SGCZ: variants seen among roughly 807,000 people sequenced by gnomAD.
SGCZ encodes sarcoglycan zeta, also known as zeta-sarcoglycan.
A neutral mutation model predicts 41.3 loss-of-function variants in SGCZ; 40 were observed. That is an observed-to-expected ratio of 0.97 (90% CI 0.75 to 1.26). The LOEUF (loss-of-function observed/expected upper bound fraction) is 1.26, where lower values mean the gene tolerates loss of function less well. Ranked by LOEUF, SGCZ falls within the 50% of genes most tolerant of loss-of-function variation. The pLI, the probability that SGCZ is intolerant of heterozygous loss-of-function variation, is 0.00. For synonymous variants in SGCZ, 206 were observed against 137.5 expected (o/e 1.50, Z -3.49); for missense variants, 552 against 369.8 (o/e 1.49, Z -4.04).
intron 1 of SGCZ, among the ~76,000 whole-genome samples, chr8:15,124,575 A>C (rs2116958514): frequency 6.6e-6 from 1 of 152,320 alleles, no homozygotes; most frequent in Non-Finnish European, 1.5e-5. Context: ...AAATACTGGA[A>C]TAGTCTATTT....
chr8:14,391,535 G>A (rs758580526), intron 2 of SGCZ, among the ~76,000 whole-genome samples: 5 of 152,080 alleles, frequency 3.3e-5, no homozygotes, highest in Non-Finnish European at 7.4e-5. Flanking sequence ...ATGTTCAGGG[G>A]CAGAAGTAGG....
At chr8:14,553,023 G>C (rs1803920588) in intron 2 of SGCZ, among the ~76,000 whole-genome samples, 1 of 151,850 alleles carries the variant, frequency 6.6e-6, no homozygotes, top group Admixed American at 6.6e-5. Context: ...ATTAATTTTA[G>C]TTAAAAAATG....
rs546321067 is a variant in SGCZ, at chr8:14,982,770, G to A, written c.39+254815C>T. On this transcript the variant is annotated intron_variant, in intron 1 of 7. Transcript: ENST00000382080. ...TTTAATCTTTATTTTGAAAATTCTA[G>A]ATATAATTCAGGGGTGGGTGACGAT... 3.9e-5 allele frequency among the ~76,000 whole-genome samples: 6 copies of A among 152,172 alleles called. No individual in the cohort carries two copies. In the South Asian group the frequency reaches 1.2e-3, roughly 32 times the overall value.
At chr8:14,560,515 G>C (rs1267266777) in intron 1 of SGCZ, among the ~76,000 whole-genome samples, 1 of 152,058 alleles carries the variant, frequency 6.6e-6, no homozygotes, top group Non-Finnish European at 1.5e-5. Flanking sequence ...GCAAGTAGGA[G>C]ACCTTCCCCT....
intron 2 of SGCZ, among the ~76,000 whole-genome samples, chr8:14,512,861 A>T (rs1400475277): frequency 6.6e-6 from 1 of 152,070 alleles, no homozygotes; most frequent in Non-Finnish European, 1.5e-5. Flanking sequence ...TTCATTGAAG[A>T]TAAGTCTTCT....
At chr8:14,401,389 A>G (rs1440294008) in intron 2 of SGCZ, among the ~76,000 whole-genome samples, 2 of 148,792 alleles carry the variant, frequency 1.3e-5, no homozygotes, top group Admixed American at 6.7e-5. Context: ...TACACCCAAT[A>G]ACTCGTCATC....
At chr8:14,521,655 C>T (rs1442806473) in intron 2 of SGCZ, among the ~76,000 whole-genome samples, 2 of 151,980 alleles carry the variant, frequency 1.3e-5, no homozygotes, top group East Asian at 3.9e-4. Context: ...AGGATAAATG[C>T]CCAGATGTAG....
intron 1 of SGCZ, among the ~76,000 whole-genome samples, chr8:14,617,040 G>A (rs13260069): frequency 0.26 from 39,905 of 151,744 alleles, 5,337 homozygotes; most frequent in Non-Finnish European, 0.28. Context: ...TCAGATATTA[G>A]GAAGAGAAAA....
intron 1 of SGCZ, among the ~76,000 whole-genome samples, chr8:15,014,166 C>G (rs1210079363): frequency 6.6e-6 from 1 of 152,132 alleles, no homozygotes; most frequent in Non-Finnish European, 1.5e-5. Flanking sequence ...GAAAACAAGC[C>G]TGGAGCACTG....
chr8:15,096,599 T>A (rs1806355402), intron 1 of SGCZ, among the ~76,000 whole-genome samples: 1 of 152,196 alleles, frequency 6.6e-6, no homozygotes, highest in Admixed American at 6.5e-5. Flanking sequence ...GAAAATTATA[T>A]CTTATTTCTT....
intron 3 of SGCZ, chr8:14,309,369 T>G: frequency 6.2e-7 from 1 of 1,604,834 alleles, no homozygotes; most frequent in Non-Finnish European, 8.5e-7. Flanking sequence ...CTAATTACAT[T>G]GAACAGTCAG....
At chr8:14,824,867 C>G (rs1802242407) in intron 1 of SGCZ, among the ~76,000 whole-genome samples, 1 of 152,020 alleles carries the variant, frequency 6.6e-6, no homozygotes, top group Non-Finnish European at 1.5e-5. Context: ...ACTCTTACTA[C>G]TTTGTTTTCA....
chr8:14,100,072 A>ACAGT lies in SGCZ; in HGVS notation c.744+2300_744+2303dup, dbSNP rs150051357. ...GTTTAGTAAATGATAAATCTGTGGT[A>ACAGT]CAGTCAATGTAGCAAAATATATATA... is the stretch of plus-strand genomic sequence containing the variant. On this transcript the variant is annotated intron_variant, in intron 7 of 7. Coordinates refer to ENST00000382080, the MANE Select transcript of SGCZ (RefSeq NM_139167.4). 5.3e-5 allele frequency among the ~76,000 whole-genome samples: 8 copies of ACAGT among 152,250 alleles called. No individual in the cohort carries two copies. The South Asian group carries it at 1.7e-3, about 32-fold the overall frequency.
At chr8:14,735,118 T>A (rs1329006241) in intron 1 of SGCZ, among the ~76,000 whole-genome samples, 2 of 152,020 alleles carry the variant, frequency 1.3e-5, no homozygotes. Context: ...CACATAAAAT[T>A]TTGATTTTGA....
chr8:14,102,556 T>C (rs1172739587), intron 6 of SGCZ, 57 bp from the exon 7 acceptor site: 6 of 1,284,154 alleles, frequency 4.7e-6, no homozygotes, highest in Middle Eastern at 2.9e-4. Context: ...AAATCATTAA[T>C]AGAAAAAAGA....
At chr8:14,933,544 G>T (rs942538132) in intron 1 of SGCZ, among the ~76,000 whole-genome samples, 5 of 146,946 alleles carry the variant, frequency 3.4e-5, no homozygotes, top group Non-Finnish European at 5.9e-5. Context: ...CCATTCTCCT[G>T]CCTCAGCCTC....
At chr8:14,323,130 G>T (rs1585362543) in intron 3 of SGCZ, among the ~76,000 whole-genome samples, 1 of 151,912 alleles carries the variant, frequency 6.6e-6, no homozygotes, top group Non-Finnish European at 1.5e-5. Flanking sequence ...TTTTAAAAAA[G>T]AAATTTAAAG....
intron 1 of SGCZ, among the ~76,000 whole-genome samples, chr8:15,090,944 T>C (rs990366144): frequency 1.3e-5 from 2 of 152,156 alleles, no homozygotes; most frequent in Admixed American, 1.3e-4. Context: ...GTGACCTGGA[T>C]TTTTCCTTGA....
intron 5 of SGCZ, among the ~76,000 whole-genome samples, chr8:14,116,529 C>T (rs1326695513): frequency 6.6e-6 from 1 of 152,080 alleles, no homozygotes; most frequent in Admixed American, 6.6e-5. Context: ...CTGAAAGCCT[C>T]ATAAGCCTAT....
Sources: gnomAD v4.1 joint callset for allele counts (sites outside exome capture counted in the v4.1 genomes callset) on GRCh38, gnomAD v4.1.1 for gene constraint, MANE v1.5 for transcripts, NCBI Gene and HGNC (gene_info 2026-07-23, HGNC 2026-07-21) for gene names.